Variants in MUC7 observed in about 807,000 individuals in gnomAD.
MUC7 encodes the protein mucin-7.
A neutral mutation model predicts 2.5 loss-of-function variants in MUC7; 2 were observed. The ratio of observed to expected loss-of-function variants is 0.81; its 90% CI spans 0.33 to 2.55. The LOEUF (loss-of-function observed/expected upper bound fraction) is 2.55. Ranked by LOEUF, MUC7 falls within the 30% of genes most tolerant of loss-of-function variation. The pLI is 0.11. For synonymous variants in MUC7, 133 were observed against 173.4 expected, an observed-to-expected ratio of 0.77 and a Z score of 1.83; for missense variants, 408 against 455.6, an observed-to-expected ratio of 0.90 and a Z score of 0.95.
chr4:70,478,321 A>G (rs904424699), intron 2 of MUC7, among the ~76,000 whole-genome samples: 3 of 152,186 alleles, frequency 2.0e-5, no homozygotes, highest in Non-Finnish European at 2.9e-5. Context: ...TTAATAGCTA[A>G]TGAGTACCTG....
chr4:70,469,279 T>A (rs1347872453), upstream of MUC7, among the ~76,000 whole-genome samples: 1 of 152,080 alleles, frequency 6.6e-6, no homozygotes, highest in Non-Finnish European at 1.5e-5. Context: ...AAGACTTAAA[T>A]GTAAGACCTA....
chr4:70,453,386 A>G (rs757638851), intron 1 of MUC7, among the ~76,000 whole-genome samples: 9 of 152,192 alleles, frequency 5.9e-5, no homozygotes, highest in Non-Finnish European at 1.2e-4. Flanking sequence ...TCAAAGGTGG[A>G]GGAGTTTTAC....
upstream of MUC7, among the ~76,000 whole-genome samples, chr4:70,467,414 C>A (rs950465219): frequency 2.0e-5 from 3 of 152,164 alleles, no homozygotes; most frequent in African/African-American, 7.2e-5. Flanking sequence ...AAGATCAGAG[C>A]AGAACTGAAG....
intron 1 of MUC7, among the ~76,000 whole-genome samples, chr4:70,438,607 C>A (rs1461594843): frequency 6.6e-6 from 1 of 152,064 alleles, no homozygotes; most frequent in Non-Finnish European, 1.5e-5. Flanking sequence ...CGGGCATGCA[C>A]CACCACACCT....
chr4:70,471,528 A>T (rs962976532), upstream of MUC7, among the ~76,000 whole-genome samples: 2 of 152,194 alleles, frequency 1.3e-5, no homozygotes, highest in Non-Finnish European at 2.9e-5. Context: ...TAGCTGTTAC[A>T]ATTTCTGTAG....
intron 1 of MUC7, among the ~76,000 whole-genome samples, chr4:70,473,366 T>C (rs6831351): frequency 0.54 from 81,705 of 151,188 alleles, 22,405 homozygotes; most frequent in East Asian, 0.78. Context: ...ATCGCTTGAG[T>C]CTGGGGGGTG....
chr4:70,454,444 A>G (rs535675448), intron 1 of MUC7, among the ~76,000 whole-genome samples: 20 of 152,292 alleles, frequency 1.3e-4, no homozygotes, highest in South Asian at 1.2e-3. Flanking sequence ...ACTGAGTCCA[A>G]TGAACAGTCC....
intron 1 of MUC7, among the ~76,000 whole-genome samples, chr4:70,458,920 A>G (rs1734477462): frequency 6.6e-6 from 1 of 152,148 alleles, no homozygotes; most frequent in African/African-American, 2.4e-5. Context: ...TCAACGGGAA[A>G]ATATTTAATA....
chr4:70,460,491 GT>G (rs1734528804), intron 1 of MUC7, among the ~76,000 whole-genome samples: 1 of 150,528 alleles, frequency 6.6e-6, no homozygotes, highest in Non-Finnish European at 1.5e-5. Flanking sequence ...TTGAGATGGA[GT>G]GGGGGATGGA....
At chr4:70,465,422 G>A (rs893019070) in intron 1 of MUC7, among the ~76,000 whole-genome samples, 2 of 152,120 alleles carry the variant, frequency 1.3e-5, no homozygotes, top group African/African-American at 4.8e-5. Flanking sequence ...ACAGAAGTAG[G>A]CTTCAGAAGG....
chr4:70,480,818 G>A lies in MUC7; in HGVS notation c.74G>A (p.Arg25Lys), dbSNP rs777542249. The change falls in exon 3 of 3, where the codon AGG (arginine) becomes AAG (lysine). Residue 25 changes from arginine (R) to lysine (K), a missense_variant. Coordinates refer to ENST00000304887, the MANE Select transcript of MUC7 (RefSeq NM_152291.3). ...ACFSFSEGRE[R>K]DHELRHRRHH... Reference sequence around the variant, plus strand: ...CTGCAGTTCAGTGAAGGTCGAGAAAGGGATCATGAACTACGTCACAGAAGG... The same window carrying A: ...CTGCAGTTCAGTGAAGGTCGAGAAAAGGATCATGAACTACGTCACAGAAGG... The A allele has an allele frequency of 3.1e-6, 5 of 1,613,274 alleles. No individual in the cohort carries two copies. In the South Asian group the frequency reaches 4.4e-5, roughly 14 times the overall value.
At chr4:70,477,308 G>A (rs1300435626) in intron 2 of MUC7, among the ~76,000 whole-genome samples, 2 of 152,080 alleles carry the variant, frequency 1.3e-5, no homozygotes, top group Non-Finnish European at 2.9e-5. Flanking sequence ...TTCTAGGGAG[G>A]CTGAGGCAGG....
At chr4:70,462,497 G>A (rs1434033015) in intron 1 of MUC7, among the ~76,000 whole-genome samples, 3 of 152,074 alleles carry the variant, frequency 2.0e-5, no homozygotes, top group Admixed American at 6.5e-5. Flanking sequence ...TTATAATTAT[G>A]AAGTATATGA....
At chr4:70,444,242 T>C (rs1294460181) in intron 1 of MUC7, among the ~76,000 whole-genome samples, 1 of 152,210 alleles carries the variant, frequency 6.6e-6, no homozygotes, top group Non-Finnish European at 1.5e-5. Flanking sequence ...AAATATGACA[T>C]TTGATGCTTT....
chr4:70,476,085 A>G (rs1734992282), intron 2 of MUC7, among the ~76,000 whole-genome samples: 1 of 152,224 alleles, frequency 6.6e-6, no homozygotes, highest in Non-Finnish European at 1.5e-5. Flanking sequence ...TGTGTAAAAT[A>G]ATAACAACAC....
chr4:70,479,399 A>G (rs950595427), intron 2 of MUC7, among the ~76,000 whole-genome samples: 2 of 152,194 alleles, frequency 1.3e-5, no homozygotes, highest in Admixed American at 1.3e-4. Flanking sequence ...CAACTCAGCT[A>G]GTCTCTCAGA....
At chr4:70,436,594 G>A (rs763098258) in intron 1 of MUC7, among the ~76,000 whole-genome samples, 82 of 152,156 alleles carry the variant, frequency 5.4e-4, no homozygotes, top group Non-Finnish European at 5.3e-4. Flanking sequence ...TTAGCCATTC[G>A]TCTAACCTTT....
In MUC7 at chr4:70,480,983, A is replaced by AG; in HGVS notation, c.239_240insG (p.Asn80LysfsTer13). On this transcript the variant is annotated frameshift_variant, in exon 3 of 3. Transcript: ENST00000304887. LOFTEE classifies it low-confidence loss of function (END_TRUNC). ...CCTAAGCTTCCACCTTCACCTAATA[A>AG]CCCCCCCAAATTCCCAAATCCTCAC... 2 of 1,613,474 alleles carry AG rather than the reference A, an allele frequency of 1.2e-6. No individual in the cohort carries two copies. The highest frequency in any genetic ancestry group is 1.7e-6 in the Non-Finnish European group (2 of 1,179,844).
intron 2 of MUC7, among the ~76,000 whole-genome samples, chr4:70,474,433 T>A (rs1038521376): frequency 6.6e-6 from 1 of 152,142 alleles, no homozygotes; most frequent in Non-Finnish European, 1.5e-5. Flanking sequence ...GTTGGGATCT[T>A]AAGCCTGGGA....
Sources: allele counts gnomAD v4.1 joint callset (sites outside exome capture counted in the v4.1 genomes callset), GRCh38; gene constraint gnomAD v4.1.1; transcripts MANE v1.5; gene names NCBI Gene and HGNC (gene_info 2026-07-23, HGNC 2026-07-21).